UBE2E1: variants seen among roughly 807,000 people sequenced by gnomAD.
UBE2E1 encodes the protein ubiquitin conjugating enzyme E2 E1.
A neutral mutation model predicts 21.4 loss-of-function variants in UBE2E1; 6 were observed. The ratio of observed to expected loss-of-function variants is 0.28; its 90% CI spans 0.15 to 0.55. UBE2E1 has a LOEUF of 0.55. Ranked by LOEUF, UBE2E1 falls within the 20% of genes least tolerant of loss-of-function variation. The pLI, the probability that UBE2E1 is intolerant of heterozygous loss-of-function variation, is 0.93. For synonymous variants in UBE2E1, 87 were observed against 82.7 expected (o/e 1.05, Z -0.28); for missense variants, 142 against 236.5 (o/e 0.60, Z 2.62).
intron 3 of UBE2E1, among the ~76,000 whole-genome samples, chr3:23,873,250 G>A (rs182905949): frequency 7.6e-4 from 116 of 152,196 alleles, no homozygotes; most frequent in Non-Finnish European, 1.2e-3. Flanking sequence ...GACTTTATGG[G>A]GCTCCCTTGA....
chr3:23,817,879 T>G (rs1699563046), intron 3 of UBE2E1, among the ~76,000 whole-genome samples: 1 of 152,208 alleles, frequency 6.6e-6, no homozygotes, highest in Non-Finnish European at 1.5e-5. Context: ...ATTATGTAGA[T>G]GCTGGAGAAT....
chr3:23,873,045 G>C (rs942133746), intron 3 of UBE2E1, among the ~76,000 whole-genome samples: 4 of 151,958 alleles, frequency 2.6e-5, no homozygotes, highest in African/African-American at 9.7e-5. Flanking sequence ...CTAGAAGACT[G>C]GTACTATTTC....
At chr3:23,882,704 C>T (rs187567407) in intron 3 of UBE2E1, among the ~76,000 whole-genome samples, 102 of 152,152 alleles carry the variant, frequency 6.7e-4, no homozygotes, top group Non-Finnish European at 8.4e-4. Flanking sequence ...TGAGGCCTGG[C>T]GAGAATTTGA....
At chr3:23,871,753 G>A (rs572185018) in intron 3 of UBE2E1, among the ~76,000 whole-genome samples, 20 of 151,104 alleles carry the variant, frequency 1.3e-4, no homozygotes, top group African/African-American at 4.4e-4. Flanking sequence ...GGGCAAAGGC[G>A]CTCCCCACAT....
intron 5 of UBE2E1, chr3:23,889,724 G>A (rs950993665): frequency 2.0e-6 from 2 of 985,166 alleles, no homozygotes; most frequent in African/African-American, 3.5e-5. Context: ...CTATTGAATT[G>A]TGACTTTTTT....
chr3:23,825,985 T>G (rs1699749869), intron 3 of UBE2E1, among the ~76,000 whole-genome samples: 1 of 152,122 alleles, frequency 6.6e-6, no homozygotes, highest in Non-Finnish European at 1.5e-5. Flanking sequence ...AGCTGTGGTG[T>G]GTACTATGAT....
chr3:23,856,971 C>T (rs1315489594), intron 3 of UBE2E1, among the ~76,000 whole-genome samples: 1 of 142,390 alleles, frequency 7.0e-6, no homozygotes, highest in East Asian at 2.1e-4. Flanking sequence ...ACACTGCACT[C>T]GGCCTGGGTG....
chr3:23,871,083 A>T (rs1311303312), intron 3 of UBE2E1, among the ~76,000 whole-genome samples: 1 of 151,894 alleles, frequency 6.6e-6, no homozygotes, highest in African/African-American at 2.4e-5. Flanking sequence ...ACCTCTTTCT[A>T]CACAGACACG....
In UBE2E1 at chr3:23,824,278, C is replaced by T. The variant is rs140304458; in HGVS notation, c.203+12768C>T. ...TGGAGATTTGGAGCTAGGAGGGACCCGATGCTCCCTTCTCTGTCTCTGTGT... is the reference window on the plus strand; with the variant it reads ...TGGAGATTTGGAGCTAGGAGGGACCTGATGCTCCCTTCTCTGTCTCTGTGT... On this transcript the variant is annotated intron_variant, in intron 3 of 5. Coordinates refer to ENST00000306627, the MANE Select transcript of UBE2E1 (RefSeq NM_003341.5). Among the ~76,000 whole-genome samples the T allele has an allele frequency of 6.3e-4, 96 of 152,122 alleles. 1 individual carries two copies. In the East Asian group the frequency reaches 0.016, roughly 26 times the overall value.
chr3:23,829,304 G>A (rs1345517494), intron 3 of UBE2E1, among the ~76,000 whole-genome samples: 2 of 146,908 alleles, frequency 1.4e-5, no homozygotes, highest in Non-Finnish European at 3.0e-5. Context: ...GGGACAACAG[G>A]TGCACTCCAC....
intron 3 of UBE2E1, among the ~76,000 whole-genome samples, chr3:23,867,878 CATAAGGCCA>C (rs1256482799): frequency 6.6e-6 from 1 of 152,188 alleles, no homozygotes; most frequent in African/African-American, 2.4e-5. Context: ...AAGCTTTTAT[CATAAGGCCA>C]AAATCTGTCC....
intron 3 of UBE2E1, among the ~76,000 whole-genome samples, chr3:23,885,896 ACT>A (rs961390751): frequency 4.7e-5 from 7 of 148,484 alleles, no homozygotes; most frequent in Admixed American, 2.0e-4. Flanking sequence ...AAACAAAAAA[ACT>A]CTCTCTGTAT....
chr3:23,873,846 C>T (rs1230145630), intron 3 of UBE2E1, among the ~76,000 whole-genome samples: 1 of 152,130 alleles, frequency 6.6e-6, no homozygotes, highest in Non-Finnish European at 1.5e-5. Context: ...ATATAACATG[C>T]AAGTTGGAAC....
Position 23,879,178 on chromosome 3 carries a change from C to G in UBE2E1, c.204-8389C>G, listed in dbSNP as rs538198863. 2.6e-3 allele frequency: 2,098 copies of G among 804,184 alleles called. 13 individuals are homozygous for G. Among genetic ancestry groups the G allele is most frequent in the Middle Eastern group, 0.017 (36 of 2,102 alleles). The allele number at this position is 804,184 out of a possible 1,614,324, so 49.8% of individuals were successfully genotyped here. On this transcript the variant is annotated intron_variant, in intron 3 of 5. Transcript: ENST00000306627. ...TTATGAAGTTAAGTTTTAGTTTCTT[C>G]CATCCTTCCACATCTAGAGTCCACA...
At chr3:23,865,617 G>A (rs949741897) in intron 3 of UBE2E1, among the ~76,000 whole-genome samples, 2 of 152,192 alleles carry the variant, frequency 1.3e-5, no homozygotes, top group Admixed American at 6.5e-5. Flanking sequence ...GACTTCCAAA[G>A]TGCTGGCTCA....
rs78845898 is a variant in UBE2E1 at position 23,823,279 on chromosome 3, A to G, written c.203+11769A>G. Among the ~76,000 whole-genome samples the G allele has an allele frequency of 0.015, 2,257 of 152,350 alleles. 24 individuals are homozygous for G. The highest frequency in any genetic ancestry group is 0.023 in the Non-Finnish European group (1,538 of 68,032). On this transcript the variant is annotated intron_variant, in intron 3 of 5. Transcript: ENST00000306627. This position sits in a 1 kb window ranked among gnomAD's most constrained non-coding sequence, Gnocchi z 4.2. ...ATGTCTTAATAATTTGTTTCAGATT[A>G]TGCCAGATACTCTTGGTCCTGCTTA...
chr3:23,807,274 C>G lies in UBE2E1; in HGVS notation c.5C>G (p.Ser2Trp), dbSNP rs1699299726. 6.2e-7 allele frequency: 1 copy of G among 1,612,080 alleles called. No homozygotes were observed. Residue 2 changes from serine (S) to tryptophan (W), a missense_variant, in exon 2 of 6, where the codon TCG becomes TGG. Physicochemically the swap from Ser to Trp is radical, Grantham distance 177. Transcript: ENST00000306627. MSDDDSRASTSS... is the reference protein window; with the variant it reads MWDDDSRASTSS... The stretch of plus-strand genomic sequence containing the variant: ...GGGTGGGGTGGGGGGTTCGCTATGT[C>G]GGATGACGATTCGAGGGCCAGCACC...
At chr3:23,881,065 C>A (rs1181053844) in intron 3 of UBE2E1, among the ~76,000 whole-genome samples, 1 of 152,206 alleles carries the variant, frequency 6.6e-6, no homozygotes, top group African/African-American at 2.4e-5. Context: ...GTAGGAAAAG[C>A]TGTCAGAAGT....
rs1699510873 is a variant in UBE2E1, at chr3:23,816,094, G to T, written c.203+4584G>T. Among the ~76,000 whole-genome samples the T allele has an allele frequency of 6.6e-6, 1 of 152,130 alleles. No individual in the cohort carries two copies. The highest frequency in any genetic ancestry group is 1.9e-4 in the East Asian group (1 of 5,196). On this transcript the variant is annotated intron_variant, in intron 3 of 5. Coordinates refer to ENST00000306627, the MANE Select transcript of UBE2E1 (RefSeq NM_003341.5). This position sits in a 1 kb window ranked among gnomAD's most constrained non-coding sequence, Gnocchi z 4.8. ...ATGAGCAGGAAGTCTTGTGGCGGTT[G>T]TGTTTACCAAAAGACTATATCTGGA...
Sources: gnomAD v4.1 joint callset for allele counts (sites outside exome capture counted in the v4.1 genomes callset) on GRCh38, gnomAD v4.1.1 for gene constraint, Gnocchi (gnomAD v3.1) non-coding constraint, MANE v1.5 for transcripts, NCBI Gene and HGNC (gene_info 2026-07-23, HGNC 2026-07-21) for gene names.